The following STRBP variants were observed in gnomAD, a reference collection of about 807,000 sequenced individuals.
STRBP encodes the protein spermatid perinuclear RNA-binding protein.
Under a neutral mutation model 80.1 loss-of-function variants are expected in STRBP, and 13 were observed. The observed-to-expected ratio is 0.16, with a 90% confidence interval of 0.11 to 0.26. STRBP has a LOEUF of 0.26. Ranked by LOEUF, STRBP falls within the 10% of genes least tolerant of loss-of-function variation. STRBP has a pLI of 1.00. For synonymous variants in STRBP, 284 were observed against 291.2 expected, an observed-to-expected ratio of 0.98 and a Z score of 0.25; for missense variants, 485 against 815.2, an observed-to-expected ratio of 0.59 and a Z score of 4.93.
At chr9:123,156,128 T>G (rs1342988611) in intron 11 of STRBP, among the ~76,000 whole-genome samples, 1 of 151,566 alleles carries the variant, frequency 6.6e-6, no homozygotes, top group Non-Finnish European at 1.5e-5. Flanking sequence ...TACTATCTAG[T>G]GAAGGGGAAA....
intron 2 of STRBP, among the ~76,000 whole-genome samples, chr9:123,189,398 A>G (rs1191014922): frequency 6.6e-6 from 1 of 151,758 alleles, no homozygotes; most frequent in African/African-American, 2.4e-5. Flanking sequence ...CCAACATGGC[A>G]CATGTATACA....
Position 123,146,947 on chromosome 9 carries a change from G to C in STRBP, c.1246C>G (p.Pro416Ala), listed in dbSNP as rs751407914. The part of the protein sequence containing the change: ...LLSQSGPVHA[P>A]VFTMSVDVDG... The stretch of plus-strand genomic sequence containing the variant: ...ACATCTACAGACATTGTGAAGACTG[G>C]GGCATGAACGGGGCCAGACTGAGAT... Residue 416 changes from proline (P) to alanine (A), a missense_variant, in exon 13 of 19, where the codon CCA becomes GCA. Pro to Ala is a conservative substitution (Grantham distance 27). Coordinates refer to ENST00000348403, the MANE Select transcript of STRBP (RefSeq NM_018387.5). 6.2e-7 allele frequency: 1 copy of C among 1,614,032 alleles called. No homozygotes were observed. The highest frequency in any genetic ancestry group is 8.5e-7 in the Non-Finnish European group (1 of 1,179,992).
At chr9:123,221,311 A>G (rs531166662) in intron 2 of STRBP, among the ~76,000 whole-genome samples, 1 of 152,322 alleles carries the variant, frequency 6.6e-6, no homozygotes, top group South Asian at 2.1e-4. Context: ...GGGTGGTGGC[A>G]AAAGACAGAA....
At chr9:123,226,680 G>C (rs564560496) in intron 2 of STRBP, among the ~76,000 whole-genome samples, 2 of 151,840 alleles carry the variant, frequency 1.3e-5, no homozygotes, top group Non-Finnish European at 2.9e-5. Flanking sequence ...TATGTGCCAC[G>C]CACTGTGACA....
chr9:123,215,761 G>A (rs924378572), intron 2 of STRBP, among the ~76,000 whole-genome samples: 1 of 152,186 alleles, frequency 6.6e-6, no homozygotes, highest in African/African-American at 2.4e-5. Context: ...TCCAGCCTGG[G>A]AGACAAGAGC....
At chr9:123,153,086 C>T (rs1368734281) in intron 11 of STRBP, among the ~76,000 whole-genome samples, 1 of 151,818 alleles carries the variant, frequency 6.6e-6, no homozygotes, top group Non-Finnish European at 1.5e-5. Context: ...GGGGCAAGAA[C>T]AGAAGCAAAA....
chr9:123,139,386 C>A, intron 14 of STRBP, 143 bp downstream of exon 14: 3 of 712,726 alleles, frequency 4.2e-6, no homozygotes, highest in Non-Finnish European at 6.2e-6. Flanking sequence ...TGGAAATAAA[C>A]CAAAATAATA....
chr9:123,173,299 A>G (rs1464867985), intron 5 of STRBP, among the ~76,000 whole-genome samples: 1 of 152,220 alleles, frequency 6.6e-6, no homozygotes, highest in Non-Finnish European at 1.5e-5. Flanking sequence ...CGTTGATAAG[A>G]AAGTCTCTTA....
chr9:123,246,414 G>A (rs2040800979), intron 1 of STRBP, among the ~76,000 whole-genome samples: 1 of 152,180 alleles, frequency 6.6e-6, no homozygotes, highest in South Asian at 2.1e-4. Flanking sequence ...CAAGGATTTT[G>A]GCAGACCGAT....
intron 11 of STRBP, 80 bp from the exon 12 acceptor site, chr9:123,147,950 G>T: frequency 8.4e-7 from 1 of 1,195,400 alleles, no homozygotes; most frequent in Non-Finnish European, 1.2e-6. Flanking sequence ...ACATGTTCAG[G>T]TAGGAAAATC....
chr9:123,182,217 T>TAAAAAAAAAAAAAAAAAAAAAAAAAA (rs10546358), intron 3 of STRBP, among the ~76,000 whole-genome samples: 1 of 69,764 alleles, frequency 1.4e-5, no homozygotes, highest in Non-Finnish European at 3.6e-5. Flanking sequence ...TCCGTTTCTT[T>TAAAAAAAAAAAAAAAAAAAAAAAAAA]AAAAAAAAAA....
intron 1 of STRBP, among the ~76,000 whole-genome samples, chr9:123,255,233 G>T (rs1351513753): frequency 1.3e-5 from 2 of 152,324 alleles, no homozygotes; most frequent in East Asian, 3.9e-4. Context: ...GGCTGTTAAA[G>T]AAATGTTTTG....
At chr9:123,243,265 CA>C (rs1160280485) in intron 1 of STRBP, among the ~76,000 whole-genome samples, 26,355 of 79,150 alleles carry the variant, frequency 0.33, 3,327 homozygotes, top group African/African-American at 0.53. Context: ...ATCAATAAGA[CA>C]AAAAAAAAAA....
At chr9:123,174,603 T>C (rs2038141373) in intron 4 of STRBP, among the ~76,000 whole-genome samples, 1 of 152,224 alleles carries the variant, frequency 6.6e-6, no homozygotes, top group African/African-American at 2.4e-5. Context: ...AAAATGACTA[T>C]TGGCTAGATG....
intron 1 of STRBP, among the ~76,000 whole-genome samples, chr9:123,258,550 T>C (rs1387738702): frequency 6.6e-6 from 1 of 152,204 alleles, no homozygotes; most frequent in Non-Finnish European, 1.5e-5. Flanking sequence ...ACGCCTGTAA[T>C]CCCAGCACTT....
chr9:123,154,398 T>G (rs947259369), intron 11 of STRBP, among the ~76,000 whole-genome samples: 1 of 152,100 alleles, frequency 6.6e-6, no homozygotes, highest in African/African-American at 2.4e-5. Flanking sequence ...TAGGAAAGCA[T>G]ACACAAGTGG....
At chr9:123,142,968 C>T (rs753001351) in intron 13 of STRBP, among the ~76,000 whole-genome samples, 5 of 152,134 alleles carry the variant, frequency 3.3e-5, no homozygotes, top group Admixed American at 1.3e-4. Flanking sequence ...GTAACCAAAT[C>T]CCTTTCTTCC....
chr9:123,113,160 A>C (rs2035594678), intron 3 of STRBP: 1 of 167,192 alleles, frequency 6.0e-6, no homozygotes, highest in Admixed American at 6.5e-5. Flanking sequence ...GGAAAGGCGT[A>C]ACTTACAACC....
At chr9:123,210,845 C>G (rs2039684167) in intron 2 of STRBP, among the ~76,000 whole-genome samples, 1 of 150,928 alleles carries the variant, frequency 6.6e-6, no homozygotes, top group South Asian at 2.1e-4. Flanking sequence ...AAAAAAAGAT[C>G]AACCAAATGC....
Sources: gnomAD v4.1 joint callset for allele counts (sites outside exome capture counted in the v4.1 genomes callset) on GRCh38, gnomAD v4.1.1 for gene constraint, MANE v1.5 for transcripts, NCBI Gene and HGNC (gene_info 2026-07-23, HGNC 2026-07-21) for gene names.